TSHZ2: variants seen among roughly 807,000 people sequenced by gnomAD.
TSHZ2 encodes teashirt homolog 2.
TSHZ2 carries 21 observed loss-of-function variants against 74.4 expected under a neutral mutation model. That is an observed-to-expected ratio of 0.28 (90% CI 0.20 to 0.41). The LOEUF (loss-of-function observed/expected upper bound fraction) is 0.41, where lower values mean the gene tolerates loss of function less well. TSHZ2 is among the 10% of genes least tolerant of loss of function. TSHZ2 has a pLI of 1.00. For synonymous variants in TSHZ2, 540 were observed against 515.3 expected, an observed-to-expected ratio of 1.05 and a Z score of -0.65; for missense variants, 1,244 against 1,293.5, an observed-to-expected ratio of 0.96 and a Z score of 0.59.
intron 1 of TSHZ2, among the ~76,000 whole-genome samples, chr20:52,997,685 G>A (rs183752039): frequency 4.6e-5 from 7 of 152,300 alleles, no homozygotes; most frequent in African/African-American, 1.4e-4. Context: ...TGTTCCAGGC[G>A]ATGCCACCTA....
chr20:53,289,016 C>T (rs1991228679), intron 2 of TSHZ2, among the ~76,000 whole-genome samples: 2 of 152,088 alleles, frequency 1.3e-5, no homozygotes, highest in African/African-American at 2.4e-5. Flanking sequence ...CATTCTTATG[C>T]CTTTGAGTCC....
intron 2 of TSHZ2, among the ~76,000 whole-genome samples, chr20:53,292,098 A>G (rs944791870): frequency 2.0e-5 from 3 of 152,170 alleles, no homozygotes; most frequent in Non-Finnish European, 4.4e-5. Context: ...TGTCTGGCCT[A>G]TGATGGGGAA....
At chr20:53,153,804 C>T (rs968686739) in intron 1 of TSHZ2, among the ~76,000 whole-genome samples, 4 of 152,110 alleles carry the variant, frequency 2.6e-5, no homozygotes, top group Non-Finnish European at 5.9e-5. Flanking sequence ...TTATTTAGTC[C>T]GTGGTCCTGC....
At chr20:53,200,574 C>A (rs541188056) in intron 1 of TSHZ2, among the ~76,000 whole-genome samples, 1 of 152,340 alleles carries the variant, frequency 6.6e-6, no homozygotes, top group Admixed American at 6.5e-5. Context: ...GCCTTCACCA[C>A]TCCCATGTGG....
chr20:53,228,324 A>G (rs1438452183), intron 1 of TSHZ2, among the ~76,000 whole-genome samples: 1 of 152,206 alleles, frequency 6.6e-6, no homozygotes, highest in Non-Finnish European at 1.5e-5. Context: ...AGTTGTTTGA[A>G]TGGAACTTCA....
At chr20:53,411,722 G>A (rs758738518) in intron 2 of TSHZ2, among the ~76,000 whole-genome samples, 3 of 152,116 alleles carry the variant, frequency 2.0e-5, no homozygotes, top group Non-Finnish European at 2.9e-5. Context: ...CCAGCTGCAT[G>A]GGAGGCTGAG....
At chr20:53,348,245 G>T (rs1168566939) in intron 2 of TSHZ2, among the ~76,000 whole-genome samples, 1 of 152,158 alleles carries the variant, frequency 6.6e-6, no homozygotes, top group Non-Finnish European at 1.5e-5. Context: ...GTGTCCATAT[G>T]CTCATGAATG....
At chr20:53,122,504 T>C (rs981921555) in intron 1 of TSHZ2, among the ~76,000 whole-genome samples, 2 of 152,106 alleles carry the variant, frequency 1.3e-5, no homozygotes, top group Non-Finnish European at 2.9e-5. Context: ...GGCTTCAATT[T>C]TAATCTTTTA....
At chr20:53,070,640 ATGTG>A (rs1324845671) in intron 1 of TSHZ2, among the ~76,000 whole-genome samples, 1 of 152,126 alleles carries the variant, frequency 6.6e-6, no homozygotes, top group African/African-American at 2.4e-5. Flanking sequence ...ACATACAGTG[ATGTG>A]TGTGTGTATG....
chr20:53,412,073 G>A (rs1166644318), intron 2 of TSHZ2, among the ~76,000 whole-genome samples: 1 of 152,066 alleles, frequency 6.6e-6, no homozygotes, highest in African/African-American at 2.4e-5. Context: ...AAGACTTCAG[G>A]CAACTCATGA....
Position 53,415,953 on chromosome 20 carries a change from G to A in TSHZ2, c.*9-71191G>A, listed in dbSNP as rs565207911. ...GAAACAAAAGCTAAATAATGCCTGTGTATAGATGTGTGTATATGTACATCC... is the reference window on the plus strand; with the variant it reads ...GAAACAAAAGCTAAATAATGCCTGTATATAGATGTGTGTATATGTACATCC... On this transcript the variant is annotated intron_variant, in intron 2 of 2. Transcript: ENST00000371497. Among the ~76,000 whole-genome samples the A allele has an allele frequency of 1.1e-4, 16 of 152,270 alleles. No homozygotes were observed. In the South Asian group the frequency reaches 2.7e-3, roughly 26 times the overall value.
chr20:53,275,563 G>T (rs960224570), intron 2 of TSHZ2, among the ~76,000 whole-genome samples: 14 of 152,144 alleles, frequency 9.2e-5, no homozygotes, highest in Non-Finnish European at 1.8e-4. Flanking sequence ...CCTGTGTGCT[G>T]TATAATTCCT....
At chr20:53,281,263 G>A (rs1050725296) in intron 2 of TSHZ2, among the ~76,000 whole-genome samples, 2 of 152,164 alleles carry the variant, frequency 1.3e-5, no homozygotes, top group Admixed American at 1.3e-4. Context: ...TAAATAATGA[G>A]AAGCAGCCAG....
chr20:53,408,086 C>T (rs1009357453), intron 2 of TSHZ2, among the ~76,000 whole-genome samples: 1 of 152,194 alleles, frequency 6.6e-6, no homozygotes, highest in Non-Finnish European at 1.5e-5. Flanking sequence ...CTCAGCATCA[C>T]GAGGTCTCAG....
chr20:53,172,427 A>T lies in TSHZ2; in HGVS notation c.41-81072A>T, dbSNP rs904280599. Among the ~76,000 whole-genome samples, 5 of 152,074 alleles carry T rather than the reference A, an allele frequency of 3.3e-5. 1 individual carries two copies. Among genetic ancestry groups the T allele is most frequent in the Admixed American group, 3.3e-4 (5 of 15,282 alleles). On this transcript the variant is annotated intron_variant, in intron 1 of 2. Transcript: ENST00000371497. ...TTTTATTTTTATTTTTATTTTTTAG[A>T]TTTAAAATATTTAAAAGATGTCTTA...
intron 1 of TSHZ2, among the ~76,000 whole-genome samples, chr20:53,246,050 T>TTTTTTTTTTTTTTTTTTTTTTTTG (rs1568832069): frequency 6.7e-6 from 1 of 150,158 alleles, no homozygotes; most frequent in African/African-American, 2.5e-5. Context: ...CTTTTTTTTT[T>TTTTTTTTTTTTTTTTTTTTTTTTG]TTTGTTTGAG....
At chr20:53,429,019 A>C (rs1983749179) in intron 2 of TSHZ2, among the ~76,000 whole-genome samples, 1 of 152,228 alleles carries the variant, frequency 6.6e-6, no homozygotes, top group Non-Finnish European at 1.5e-5. Context: ...AGGTAAACAC[A>C]GCTATAGTTA....
chr20:53,369,981 A>AT (rs2145620330), intron 2 of TSHZ2, among the ~76,000 whole-genome samples: 1 of 152,032 alleles, frequency 6.6e-6, no homozygotes, highest in Non-Finnish European at 1.5e-5. Context: ...ATTCCTTGAA[A>AT]TTTTTTTTAA....
At chr20:53,240,113 A>T (rs747158504) in intron 1 of TSHZ2, among the ~76,000 whole-genome samples, 1 of 152,176 alleles carries the variant, frequency 6.6e-6, no homozygotes, top group South Asian at 2.1e-4. Context: ...CATTCCTCAT[A>T]CTAGCAAAGC....
Sources: allele counts gnomAD v4.1 joint callset (sites outside exome capture counted in the v4.1 genomes callset), GRCh38; gene constraint gnomAD v4.1.1; transcripts MANE v1.5; gene names NCBI Gene and HGNC (gene_info 2026-07-23, HGNC 2026-07-21).